Variants in CAPN5 observed in about 807,000 individuals in gnomAD.
CAPN5 encodes calpain 5.
In CAPN5, 54 loss-of-function variants were observed where a neutral mutation model predicts 73.0. The observed-to-expected ratio is 0.74, with a 90% confidence interval of 0.59 to 0.93. CAPN5 has a LOEUF of 0.93. Among genes scored for constraint, CAPN5 ranks in the 40% least tolerant of loss-of-function variants. The pLI is 0.00. For synonymous variants in CAPN5, 335 were observed against 356.9 expected, an observed-to-expected ratio of 0.94 and a Z score of 0.69; for missense variants, 785 against 882.9, an observed-to-expected ratio of 0.89 and a Z score of 1.41.
chr11:77,077,252 G>A (rs1226865195), intron 1 of CAPN5, among the ~76,000 whole-genome samples: 1 of 152,098 alleles, frequency 6.6e-6, no homozygotes, highest in Non-Finnish European at 1.5e-5. Flanking sequence ...AGCTACTTGG[G>A]ATGCTGAGGC....
intron 2 of CAPN5, among the ~76,000 whole-genome samples, chr11:77,088,570 T>C (rs1555035991): frequency 6.6e-6 from 1 of 151,962 alleles, no homozygotes; most frequent in Admixed American, 6.6e-5. Context: ...AGGCTACAAC[T>C]CCCTTTCCAG....
intron 3 of CAPN5, among the ~76,000 whole-genome samples, chr11:77,095,573 GACTCAGCTACC>G (rs1454740255): frequency 6.6e-6 from 1 of 152,158 alleles, no homozygotes; most frequent in African/African-American, 2.4e-5. Flanking sequence ...CAAATTGTTG[GACTCAGCTACC>G]ACCCAGCAGC....
intron 1 of CAPN5, among the ~76,000 whole-genome samples, chr11:77,077,729 G>A (rs1949986916): frequency 6.6e-6 from 1 of 152,062 alleles, no homozygotes; most frequent in South Asian, 2.1e-4. Context: ...TGAGCAGGCT[G>A]GTCTTGAACT....
chr11:77,118,425 C>G lies in CAPN5; in HGVS notation c.1167+73C>G. 3.1e-6 allele frequency: 4 copies of G among 1,303,580 alleles called. No homozygotes were observed. In the South Asian group the frequency reaches 5.7e-5, roughly 19 times the overall value. The allele number at this position is 1,303,580 out of a possible 1,614,324, so 80.8% of individuals were successfully genotyped here. On this transcript the variant is annotated intron_variant, in intron 8 of 12. Coordinates refer to ENST00000648180, the MANE Select transcript of CAPN5 (RefSeq NM_004055.5). ...TGCCTTGCCACTGTCCTGCCAGGGA[C>G]TCCTGCATGACCTTGGGTAATCCCT...
intron 3 of CAPN5, among the ~76,000 whole-genome samples, chr11:77,099,548 C>T (rs1299380771): frequency 6.6e-6 from 1 of 151,728 alleles, no homozygotes; most frequent in Non-Finnish European, 1.5e-5. Flanking sequence ...GCCAACACAG[C>T]GAAACCCCGT....
intron 2 of CAPN5, among the ~76,000 whole-genome samples, chr11:77,091,412 C>A (rs1411881436): frequency 2.0e-5 from 3 of 152,212 alleles, no homozygotes; most frequent in Non-Finnish European, 4.4e-5. Context: ...TGGAGGCAGG[C>A]AGAGGGCTGC....
chr11:77,099,721 G>GGGAGAC (rs1950263836), intron 3 of CAPN5, among the ~76,000 whole-genome samples: 1 of 149,342 alleles, frequency 6.7e-6, no homozygotes, highest in Non-Finnish European at 1.5e-5. Flanking sequence ...GAGAGGGAGA[G>GGGAGAC]GGAGACGGAG....
At chr11:77,097,265 G>T (rs938489793) in intron 3 of CAPN5, among the ~76,000 whole-genome samples, 1 of 152,068 alleles carries the variant, frequency 6.6e-6, no homozygotes, top group Non-Finnish European at 1.5e-5. Flanking sequence ...TCCCTGACCG[G>T]GTTATATTAG....
chr11:77,098,946 G>A (rs1442598891), intron 3 of CAPN5, among the ~76,000 whole-genome samples: 8 of 59,930 alleles, frequency 1.3e-4, no homozygotes, highest in East Asian at 5.5e-4. Flanking sequence ...GGCGGCTGCC[G>A]GGCGGAGGGG....
At chr11:77,103,298 C>T (rs1404487089) in intron 3 of CAPN5, 2 of 1,611,644 alleles carry the variant, frequency 1.2e-6, no homozygotes, top group Non-Finnish European at 1.7e-6. Context: ...AGCCCGCCAA[C>T]CTCAAGGCCT....
chr11:77,118,057 A>G, intron 7 of CAPN5, 100 bp from the exon 8 acceptor site: 1 of 1,075,762 alleles, frequency 9.3e-7, no homozygotes, highest in Non-Finnish European at 1.4e-6. Context: ...GTGTTCTCTC[A>G]CCTCTGGGCC....
rs1202920732 is a variant in CAPN5, at chr11:77,097,596, T to C, written c.297+3783T>C. Among the ~76,000 whole-genome samples, 203 of 122,874 alleles carry C rather than the reference T, an allele frequency of 1.7e-3. 5 individuals carry two copies. Among genetic ancestry groups the C allele is most frequent in the Admixed American group, 0.014 (177 of 12,254 alleles). 80.6% of individuals were successfully genotyped at this position (122,874 alleles called of 152,430 possible). On this transcript the variant is annotated intron_variant, in intron 3 of 12. Coordinates refer to ENST00000648180, the MANE Select transcript of CAPN5 (RefSeq NM_004055.5). ...ACAAGTGAACAAAGGTCTCTGGTTT[T>C]CCTAGGCAGAGGACCCTGCGGCCTT...
intron 1 of CAPN5, among the ~76,000 whole-genome samples, chr11:77,084,624 G>A (rs962831520): frequency 6.6e-6 from 1 of 152,130 alleles, no homozygotes; most frequent in Non-Finnish European, 1.5e-5. Context: ...GTGGCCTGTG[G>A]GCCTGGTATC....
At chr11:77,084,370 A>G (rs1352449529) in intron 1 of CAPN5, among the ~76,000 whole-genome samples, 2 of 152,180 alleles carry the variant, frequency 1.3e-5, no homozygotes, top group East Asian at 3.9e-4. Flanking sequence ...GGAGAGAATG[A>G]ATGAATGATG....
At chr11:77,069,960 A>G (rs61902102) in intron 1 of CAPN5, among the ~76,000 whole-genome samples, 115,877 of 151,670 alleles carry the variant, frequency 0.76, 45,047 homozygotes, top group African/African-American at 0.92. Context: ...CTTGCCTATG[A>G]ACTCAGGCTT....
chr11:77,080,325 G>A (rs189679055), intron 1 of CAPN5, among the ~76,000 whole-genome samples: 106 of 152,240 alleles, frequency 7.0e-4, no homozygotes, highest in African/African-American at 2.4e-3. Context: ...TTTGAGGCCC[G>A]TGGTGGCTTT....
chr11:77,093,598 C>T lies in CAPN5; in HGVS notation c.166-84C>T, dbSNP rs782744953. ...TCACACAGCAAGTCTGTGTCTGTCA[C>T]GTCTGTGTCTGTCATGTCTCCTGCC... On this transcript the variant is annotated intron_variant, in intron 2 of 12. Coordinates refer to ENST00000648180, the MANE Select transcript of CAPN5 (RefSeq NM_004055.5). 2.1e-4 allele frequency: 182 copies of T among 864,990 alleles called. No homozygotes were observed. In the Middle Eastern group the frequency reaches 3.7e-3, roughly 17 times the overall value. 53.6% of individuals were successfully genotyped at this position (864,990 alleles called of 1,614,324 possible). A position where few individuals can be genotyped will look rare whatever the true frequency, so the allele number is the denominator to read the frequency against.
intron 1 of CAPN5, among the ~76,000 whole-genome samples, chr11:77,069,475 A>G (rs1374094539): frequency 1.3e-5 from 2 of 152,108 alleles, no homozygotes; most frequent in Non-Finnish European, 2.9e-5. Context: ...AGTGATCTGT[A>G]TCTGCCTGAC....
At chr11:77,070,011 T>C (rs553211969) in intron 1 of CAPN5, among the ~76,000 whole-genome samples, 3 of 152,236 alleles carry the variant, frequency 2.0e-5, no homozygotes, top group African/African-American at 7.2e-5. Flanking sequence ...GCCAGGTCCC[T>C]TTGCGGTTGG....
Sources: gnomAD v4.1 joint callset for allele counts (sites outside exome capture counted in the v4.1 genomes callset) on GRCh38, gnomAD v4.1.1 for gene constraint, MANE v1.5 for transcripts, NCBI Gene and HGNC (gene_info 2026-07-23, HGNC 2026-07-21) for gene names.